C10orf90: variants seen among roughly 807,000 people sequenced by gnomAD.
C10orf90 encodes the protein (E2-independent) E3 ubiquitin-conjugating enzyme FATS.
A neutral mutation model predicts 62.5 loss-of-function variants in C10orf90; 56 were observed. The observed-to-expected ratio is 0.90, with a 90% CI of 0.72 to 1.12. The LOEUF is 1.12. C10orf90 is among the 50% of genes most tolerant of loss of function. The pLI is 0.00. For missense variants in C10orf90, 970 were observed against 880.4 expected (o/e 1.10, Z -1.29); for synonymous variants, 386 against 340.4 (o/e 1.13, Z -1.47).
rs189156885 is a variant in C10orf90, at chr10:126,663,570, C to A, written c.240+6671G>T. 1.1e-3 allele frequency among the ~76,000 whole-genome samples: 173 copies of A among 152,226 alleles called. 1 individual carries two copies. The highest frequency in any genetic ancestry group is 2.9e-4 in the Non-Finnish European group (20 of 68,016). ...ACACCCGCCTCTTTTGTTCCATCTCCGTCTCTCAGCTCTCCTTGCACGCAG... is the reference window on the plus strand; with the variant it reads ...ACACCCGCCTCTTTTGTTCCATCTCAGTCTCTCAGCTCTCCTTGCACGCAG... On this transcript the variant is annotated intron_variant, in intron 1 of 9. Transcript: ENST00000488181.
At position 126,665,527 on chromosome 10, in the gene C10orf90, A is replaced by G. The variant is rs372545729; in HGVS notation, c.240+4714T>C. Among the ~76,000 whole-genome samples the G allele has an allele frequency of 3.3e-5, 5 of 152,280 alleles. No homozygotes were observed. The South Asian group carries it at 6.2e-4, about 19-fold the overall frequency. ...TCAAAGCCCAGAGCTAAGTTTCCAAACTATGGTGGGATATTGAAACCACTC... is the reference window on the plus strand; with the variant it reads ...TCAAAGCCCAGAGCTAAGTTTCCAAGCTATGGTGGGATATTGAAACCACTC... On this transcript the variant is annotated intron_variant, in intron 1 of 9. Transcript: ENST00000488181.
intron 2 of C10orf90, among the ~76,000 whole-genome samples, chr10:126,556,708 C>A (rs1001125344): frequency 6.6e-6 from 1 of 152,008 alleles, no homozygotes; most frequent in Non-Finnish European, 1.5e-5. Context: ...TGGGTTAAAT[C>A]GTGACCTTGG....
chr10:126,447,965 C>T (rs1309468260), intron 7 of C10orf90, among the ~76,000 whole-genome samples: 1 of 151,162 alleles, frequency 6.6e-6, no homozygotes, highest in African/African-American at 2.4e-5. Flanking sequence ...GACTCTCCTG[C>T]CTCAGCCTCC....
At chr10:126,665,566 CT>C (rs1188570816) in intron 1 of C10orf90, among the ~76,000 whole-genome samples, 3 of 152,156 alleles carry the variant, frequency 2.0e-5, no homozygotes, top group Non-Finnish European at 4.4e-5. Context: ...GAGACTTCTT[CT>C]TCCAGCCATG....
chr10:126,665,968 T>C (rs1433151274), intron 1 of C10orf90, among the ~76,000 whole-genome samples: 1 of 152,178 alleles, frequency 6.6e-6, no homozygotes, highest in Non-Finnish European at 1.5e-5. Flanking sequence ...CAGGAGCTAT[T>C]TGGAAGCAAT....
At chr10:126,487,457 A>G (rs1325951391) in intron 4 of C10orf90, among the ~76,000 whole-genome samples, 4 of 152,192 alleles carry the variant, frequency 2.6e-5, no homozygotes, top group African/African-American at 9.7e-5. Context: ...TGCCTTCTCC[A>G]TAGCAATAGT....
chr10:126,540,342 T>C (rs1432619762), intron 2 of C10orf90, among the ~76,000 whole-genome samples: 1 of 152,108 alleles, frequency 6.6e-6, no homozygotes, highest in African/African-American at 2.4e-5. Flanking sequence ...ATTTATAAAT[T>C]GAAGTGGAAG....
intron 4 of C10orf90, among the ~76,000 whole-genome samples, chr10:126,468,653 G>T (rs1266740932): frequency 6.6e-6 from 1 of 152,204 alleles, no homozygotes; most frequent in Non-Finnish European, 1.5e-5. Flanking sequence ...TTCAACTGCA[G>T]GCCTTAGGGA....
At chr10:126,605,369 G>A (rs1324104191) in intron 2 of C10orf90, among the ~76,000 whole-genome samples, 1 of 152,198 alleles carries the variant, frequency 6.6e-6, no homozygotes, top group Admixed American at 6.5e-5. Flanking sequence ...CCTGTGGGGA[G>A]CAGGCAGGGG....
intron 4 of C10orf90, among the ~76,000 whole-genome samples, chr10:126,472,314 A>T (rs1439046147): frequency 6.6e-6 from 1 of 152,236 alleles, no homozygotes; most frequent in African/African-American, 2.4e-5. Context: ...TTAAAAATTA[A>T]AATACTGACA....
intron 2 of C10orf90, among the ~76,000 whole-genome samples, chr10:126,602,877 A>G (rs1233723272): frequency 6.6e-6 from 1 of 151,782 alleles, no homozygotes; most frequent in Admixed American, 6.6e-5. Context: ...GTTGAAATAC[A>G]TTCCAAAGGG....
chr10:126,592,495 G>T (rs1165577376), intron 2 of C10orf90, among the ~76,000 whole-genome samples: 1 of 152,174 alleles, frequency 6.6e-6, no homozygotes, highest in Admixed American at 6.5e-5. Context: ...GGCATGTGCA[G>T]AAAATTGAAA....
At chr10:126,637,412 T>C (rs1845973445) in intron 2 of C10orf90, among the ~76,000 whole-genome samples, 1 of 152,216 alleles carries the variant, frequency 6.6e-6, no homozygotes, top group Non-Finnish European at 1.5e-5. Flanking sequence ...CAGGGGGTTA[T>C]TGAGTGCTTA....
intron 2 of C10orf90, among the ~76,000 whole-genome samples, chr10:126,555,719 A>AATAAATAT (rs768749283): frequency 1.3e-5 from 2 of 150,394 alleles, no homozygotes; most frequent in Non-Finnish European, 3.0e-5. Context: ...TAAATAAATA[A>AATAAATAT]AAATTAAATA....
At chr10:126,622,407 A>T (rs373846062) in intron 2 of C10orf90, among the ~76,000 whole-genome samples, 2 of 152,296 alleles carry the variant, frequency 1.3e-5, no homozygotes, top group South Asian at 4.2e-4. Context: ...TTCCAAGCCC[A>T]GGTACTCCAT....
In C10orf90 at chr10:126,459,142, G is replaced by C. The variant is rs201966159; in HGVS notation, c.2086C>G (p.Gln696Glu). The change falls in exon 7 of 10, where the codon CAG becomes GAG. Residue 696 changes from glutamine (Q) to glutamate (E), a missense_variant. Coordinates refer to ENST00000488181, the MANE Select transcript of C10orf90 (RefSeq NM_001350921.2). ...TCCTTCCGCTGGGCTTTCCTCTGCT[G>C]GACCATGTGTTCAAGCTTCTTCAGC... is the stretch of plus-strand genomic sequence containing the variant. ...ERLKKLEHMV[Q>E]QRKAQRKEDL... 4.6e-5 allele frequency: 74 copies of C among 1,614,156 alleles called. No individual in the cohort carries two copies. In the Admixed American group the frequency reaches 1.2e-3, roughly 27 times the overall value.
rs55780866 is a variant in C10orf90 at position 126,442,478 on chromosome 10, CATATATATATAT to C, written c.2189-12640_2189-12629del. 7.1e-4 allele frequency among the ~76,000 whole-genome samples: 24 copies of C among 33,810 alleles called. 1 individual carries two copies. Among genetic ancestry groups the C allele is most frequent in the Admixed American group, 2.3e-3 (6 of 2,640 alleles). The allele number at this position is 33,810 out of a possible 152,430, so 22.2% of individuals were successfully genotyped here. Reference sequence around the variant, plus strand: ...ATAATAGTAGGGAACTTCAATATTTCATATATATATATATATATATATATATATATCTGTTAA... The same window carrying C: ...ATAATAGTAGGGAACTTCAATATTTCATATATATATATATATATCTGTTAA... On this transcript the variant is annotated intron_variant, in intron 7 of 9. Coordinates refer to ENST00000488181, the MANE Select transcript of C10orf90 (RefSeq NM_001350921.2).
In C10orf90 at chr10:126,483,649, G is replaced by A. The variant is rs999020100; in HGVS notation, c.1535-18663C>T. On this transcript the variant is annotated intron_variant, in intron 4 of 9. Transcript: ENST00000488181. ...GGTAATCCTTAAAAAGGAGGACTGC[G>A]TCTTCAGAATAAGACTTCAGCATTA... 4.6e-5 allele frequency among the ~76,000 whole-genome samples: 7 copies of A among 152,218 alleles called. No individual in the cohort carries two copies. The South Asian group carries it at 8.3e-4, about 18-fold the overall frequency.
At chr10:126,521,172 G>T in intron 2 of C10orf90, 1 of 1,023,732 alleles carries the variant, frequency 9.8e-7, no homozygotes. Context: ...AGAGATACCT[G>T]GTTCATCTCC....
Sources: gnomAD v4.1 joint callset for allele counts (sites outside exome capture counted in the v4.1 genomes callset) on GRCh38, gnomAD v4.1.1 for gene constraint, MANE v1.5 for transcripts, NCBI Gene and HGNC (gene_info 2026-07-23, HGNC 2026-07-21) for gene names.